Variants in NRG3 observed in about 807,000 individuals in gnomAD.
The protein encoded by NRG3 is pro-neuregulin-3, membrane-bound isoform.
In NRG3, 31 loss-of-function variants were observed where a neutral mutation model predicts 66.9. That is an observed-to-expected ratio of 0.46 (90% CI 0.35 to 0.63). NRG3 has a LOEUF of 0.63. NRG3 is among the 20% of genes least tolerant of loss of function. NRG3 has a pLI of 0.00. For missense variants in NRG3, 910 were observed against 878.9 expected (o/e 1.04, Z -0.45); for synonymous variants, 393 against 359.4 (o/e 1.09, Z -1.06).
intron 2 of NRG3, among the ~76,000 whole-genome samples, chr10:82,492,615 G>C (rs1392128445): frequency 6.6e-6 from 1 of 152,208 alleles, no homozygotes; most frequent in Admixed American, 6.5e-5. Flanking sequence ...ATGAAACCCA[G>C]TCATAACAGA....
chr10:82,624,098 A>C (rs747771412), intron 2 of NRG3, among the ~76,000 whole-genome samples: 4 of 152,214 alleles, frequency 2.6e-5, no homozygotes, highest in South Asian at 2.1e-4. Flanking sequence ...TAATTTTGCC[A>C]TATGAAAGGC....
chr10:82,814,804 A>G (rs2061637452), intron 3 of NRG3, among the ~76,000 whole-genome samples: 1 of 152,262 alleles, frequency 6.6e-6, no homozygotes, highest in Non-Finnish European at 1.5e-5. Context: ...TATGAGTCAT[A>G]GTGAACACTT....
rs149938547 is a variant in NRG3, at chr10:82,432,593, G to A, written c.953+73725G>A. On this transcript the variant is annotated intron_variant, in intron 2 of 8. Transcript: ENST00000372141. ...GGTGGTTTGCTGCACCTACTGGCCC[G>A]TCCTCTAAGTTCCCTCCTGTCATCC... Among the ~76,000 whole-genome samples the A allele has an allele frequency of 7.2e-3, 1,080 of 150,280 alleles. 12 individuals carry two copies. Among genetic ancestry groups the A allele is most frequent in the African/African-American group, 0.025 (1,013 of 40,914 alleles).
chr10:81,877,170 A>T (rs535361559), intron 1 of NRG3, among the ~76,000 whole-genome samples: 19 of 152,310 alleles, frequency 1.2e-4, no homozygotes, highest in African/African-American at 4.1e-4. Flanking sequence ...TTGTATAGAA[A>T]GTGCGTATTT....
chr10:81,992,507 A>C (rs549464174), intron 1 of NRG3, among the ~76,000 whole-genome samples: 1 of 152,348 alleles, frequency 6.6e-6, no homozygotes, highest in East Asian at 1.9e-4. Context: ...CAAGTAAATA[A>C]TGTGTTCTCT....
At chr10:82,252,513 A>G (rs2077529886) in intron 1 of NRG3, among the ~76,000 whole-genome samples, 1 of 152,196 alleles carries the variant, frequency 6.6e-6, no homozygotes. Flanking sequence ...TGTGGTGAGT[A>G]TTTTTAGCAC....
chr10:82,662,480 A>C (rs2052443462), intron 2 of NRG3, among the ~76,000 whole-genome samples: 1 of 152,198 alleles, frequency 6.6e-6, no homozygotes, highest in Admixed American at 6.5e-5. Flanking sequence ...AGTCCTTGAA[A>C]TTATCAAGGT....
At chr10:82,866,348 A>G (rs984265713) in intron 4 of NRG3, among the ~76,000 whole-genome samples, 1 of 152,196 alleles carries the variant, frequency 6.6e-6, no homozygotes, top group Non-Finnish European at 1.5e-5. Context: ...TTCACCCATT[A>G]ATTCAGCAAA....
intron 2 of NRG3, among the ~76,000 whole-genome samples, chr10:82,614,300 A>G (rs555253602): frequency 5.0e-4 from 76 of 152,322 alleles, no homozygotes; most frequent in African/African-American, 1.3e-3. Context: ...GCAGATGTGT[A>G]CAGCAGCATT....
At chr10:82,362,333 ATGTGTGTGTGTGTGTGTGTGTGTG>A (rs56996997) in intron 2 of NRG3, among the ~76,000 whole-genome samples, 2 of 135,954 alleles carry the variant, frequency 1.5e-5, no homozygotes, top group East Asian at 2.1e-4. Flanking sequence ...GTATATATAT[ATGTGTGTGTGTGTGTGTGTGTGTG>A]TGTGTGTGTG....
rs550371357 is a variant in NRG3 at position 82,812,799 on chromosome 10, T to A, written c.1028-52612T>A. ...TAACATGTAGACATTTTCTGATAAG[T>A]TTTGAAACTGCAAAGCAAAAGTTAG... is the stretch of plus-strand genomic sequence containing the variant. On this transcript the variant is annotated intron_variant, in intron 3 of 8. Coordinates refer to ENST00000372141, the MANE Select transcript of NRG3 (RefSeq NM_001010848.4). Among the ~76,000 whole-genome samples the A allele has an allele frequency of 2.0e-5, 3 of 152,148 alleles. No individual in the cohort carries two copies. In the South Asian group the frequency reaches 6.2e-4, roughly 31 times the overall value.
chr10:82,376,469 T>C (rs748461966), intron 2 of NRG3, among the ~76,000 whole-genome samples: 4 of 152,196 alleles, frequency 2.6e-5, no homozygotes, highest in Non-Finnish European at 4.4e-5. Flanking sequence ...GAATACAAAA[T>C]AGGTATTTCA....
At chr10:82,926,279 G>A (rs1846989196) in intron 4 of NRG3, among the ~76,000 whole-genome samples, 1 of 152,154 alleles carries the variant, frequency 6.6e-6, no homozygotes, top group Non-Finnish European at 1.5e-5. Context: ...GTAGGCTATA[G>A]GCAAATAACA....
intron 1 of NRG3, among the ~76,000 whole-genome samples, chr10:82,142,835 A>G (rs1041149008): frequency 1.4e-5 from 2 of 147,750 alleles, no homozygotes; most frequent in African/African-American, 5.0e-5. Flanking sequence ...CAGTGGTGCA[A>G]TCATGGCTCA....
intron 2 of NRG3, among the ~76,000 whole-genome samples, chr10:82,529,416 A>T (rs770784876): frequency 5.3e-5 from 8 of 152,210 alleles, no homozygotes; most frequent in Non-Finnish European, 7.3e-5. Flanking sequence ...GAGGGTAATA[A>T]AAGTTCAGGC....
chr10:82,649,510 G>C (rs1353128916), intron 2 of NRG3, among the ~76,000 whole-genome samples: 1 of 127,696 alleles, frequency 7.8e-6, no homozygotes, highest in South Asian at 2.8e-4. Context: ...TTGCTCTGTG[G>C]CCCAGGCTGG....
chr10:82,621,308 T>C (rs187845990), intron 2 of NRG3, among the ~76,000 whole-genome samples: 25 of 152,328 alleles, frequency 1.6e-4, no homozygotes, highest in African/African-American at 4.6e-4. Context: ...CATCTTCTCC[T>C]CAACAAAACC....
At chr10:82,184,893 G>A (rs1456065418) in intron 1 of NRG3, among the ~76,000 whole-genome samples, 5 of 152,016 alleles carry the variant, frequency 3.3e-5, no homozygotes, top group Admixed American at 6.6e-5. Context: ...CCTGTGAGCC[G>A]GTAAACATTT....
intron 3 of NRG3, among the ~76,000 whole-genome samples, chr10:82,777,725 C>T (rs2059960388): frequency 6.6e-6 from 1 of 152,136 alleles, no homozygotes; most frequent in African/African-American, 2.4e-5. Context: ...AGGACAGAGA[C>T]ATTTTGAGCA....
Sources: gnomAD v4.1 joint callset for allele counts (sites outside exome capture counted in the v4.1 genomes callset) on GRCh38, gnomAD v4.1.1 for gene constraint, MANE v1.5 for transcripts, NCBI Gene and HGNC (gene_info 2026-07-23, HGNC 2026-07-21) for gene names.